B4GALNT3: variants seen among roughly 807,000 people sequenced by gnomAD.
The protein encoded by B4GALNT3 is beta-1,4-N-acetyl-galactosaminyltransferase 3, also known as beta-1,4-N-acetylgalactosaminyltransferase 3.
B4GALNT3 carries 86 observed loss-of-function variants against 120.2 expected under a neutral mutation model. The ratio of observed to expected loss-of-function variants is 0.72; its 90% CI spans 0.60 to 0.86. B4GALNT3 has a LOEUF of 0.86. Among genes scored for constraint, B4GALNT3 ranks in the 40% least tolerant of loss-of-function variants. The pLI, the probability that B4GALNT3 is intolerant of heterozygous loss-of-function variation, is 0.00. For missense variants in B4GALNT3, 1,167 were observed against 1,298.9 expected, an observed-to-expected ratio of 0.90 and a Z score of 1.56; for synonymous variants, 518 against 510.4, an observed-to-expected ratio of 1.01 and a Z score of -0.20.
chr12:522,564 G>T (rs76402084), intron 1 of B4GALNT3, among the ~76,000 whole-genome samples: 6 of 152,178 alleles, frequency 3.9e-5, no homozygotes, highest in African/African-American at 1.4e-4. Context: ...AGTTCGGCAT[G>T]ATGGGGAGGT....
intron 1 of B4GALNT3, among the ~76,000 whole-genome samples, chr12:533,033 TAAGAATG>T (rs1479119577): frequency 6.6e-6 from 1 of 152,178 alleles, no homozygotes; most frequent in Non-Finnish European, 1.5e-5. Flanking sequence ...TTTTTAGTCA[TAAGAATG>T]AAGATGACCC....
intron 1 of B4GALNT3, among the ~76,000 whole-genome samples, chr12:509,995 C>T (rs1042377482): frequency 6.6e-6 from 1 of 152,202 alleles, no homozygotes; most frequent in South Asian, 2.1e-4. Flanking sequence ...GTTTGGCATA[C>T]CTTTGTTCCC....
intron 15 of B4GALNT3, 35 bp downstream of exon 15, chr12:556,901 G>C (rs753189070): frequency 2.3e-5 from 36 of 1,574,288 alleles, no homozygotes; most frequent in Non-Finnish European, 3.1e-5. Flanking sequence ...ATTCTCAGGG[G>C]CGGGGTCCTC....
intron 1 of B4GALNT3, among the ~76,000 whole-genome samples, chr12:497,309 A>G (rs1946398746): frequency 6.6e-6 from 1 of 151,884 alleles, no homozygotes; most frequent in Non-Finnish European, 1.5e-5. Flanking sequence ...ACGTGCCACC[A>G]TGCCTGGTTA....
intron 19 of B4GALNT3, among the ~76,000 whole-genome samples, chr12:560,664 A>G (rs907961624): frequency 6.6e-6 from 1 of 152,180 alleles, no homozygotes; most frequent in African/African-American, 2.4e-5. Context: ...GGCAGCTGGA[A>G]GCCTTGATTT....
intron 1 of B4GALNT3, among the ~76,000 whole-genome samples, chr12:475,620 C>A (rs1193042400): frequency 6.6e-6 from 1 of 152,124 alleles, no homozygotes; most frequent in African/African-American, 2.4e-5. Context: ...GCTTGTCTTT[C>A]AAAACTCTGC....
Position 474,547 on chromosome 12 carries a change from C to T in B4GALNT3, c.169+14002C>T, listed in dbSNP as rs188035193. Among the ~76,000 whole-genome samples, 8 of 152,238 alleles carry T rather than the reference C, an allele frequency of 5.3e-5. No homozygotes were observed. The South Asian group carries it at 8.3e-4, about 16-fold the overall frequency. ...AAGAATCTGATGAAGAGGCCAGGCA[C>T]GGTGGCTCATGCCTGCAATCCAGCA... On this transcript the variant is annotated intron_variant, in intron 1 of 19. Transcript: ENST00000266383.
intron 3 of B4GALNT3, among the ~76,000 whole-genome samples, chr12:536,509 G>A (rs1375214388): frequency 1.3e-5 from 2 of 152,182 alleles, no homozygotes; most frequent in Non-Finnish European, 2.9e-5. Flanking sequence ...TATTCAGTTA[G>A]TTTTTTGTTG....
At chr12:540,375 G>C (rs80154274) in intron 3 of B4GALNT3, 1 of 152,250 alleles carries the variant, frequency 6.6e-6, no homozygotes, top group African/African-American at 2.4e-5. Flanking sequence ...TCCTCCAAGC[G>C]TTTGTTCATT....
chr12:491,454 T>A (rs1946338888), intron 1 of B4GALNT3, among the ~76,000 whole-genome samples: 1 of 151,934 alleles, frequency 6.6e-6, no homozygotes, highest in Non-Finnish European at 1.5e-5. Flanking sequence ...TTTAGCCTTC[T>A]GAGTAGCTGA....
At position 545,434 on chromosome 12, in the gene B4GALNT3, G is replaced by T. The variant is rs201005981; in HGVS notation, c.604G>T (p.Val202Phe). The change falls in exon 6 of 20, where the codon GTC (valine) becomes TTC (phenylalanine). Residue 202 changes from valine (V) to phenylalanine (F), a missense_variant. Physicochemically the swap from Val to Phe is conservative, Grantham distance 50. Transcript: ENST00000266383. The part of the protein sequence containing the change: ...AEFWLSLDDQ[V>F]SGLQLLASVG... The stretch of plus-strand genomic sequence containing the variant: ...GTTCTGGCTGAGCCTCGATGACCAG[G>T]TCTCAGGCCTCCAGCTGCTGGCCAG... 1.2e-6 allele frequency: 2 copies of T among 1,610,672 alleles called. No homozygotes were observed. Among genetic ancestry groups the T allele is most frequent in the Admixed American group, 1.7e-5 (1 of 59,598 alleles).
intron 1 of B4GALNT3, among the ~76,000 whole-genome samples, chr12:521,784 C>A (rs1946712202): frequency 6.6e-6 from 1 of 152,202 alleles, no homozygotes; most frequent in African/African-American, 2.4e-5. Context: ...ACCGGCCTCA[C>A]TGAGGACAGG....
rs538882195 is a variant in B4GALNT3 at position 549,661 on chromosome 12, C to G, written c.854-108C>G. Reference sequence around the variant, plus strand: ...GGCTGCGCACATCCTACACCGTCGCCGCTGGAGTCAGGAGCCCCTTCTGCG... The same window carrying G: ...GGCTGCGCACATCCTACACCGTCGCGGCTGGAGTCAGGAGCCCCTTCTGCG... On this transcript the variant is annotated intron_variant, in intron 9 of 19. Transcript: ENST00000266383. 2.1e-4 allele frequency: 289 copies of G among 1,406,868 alleles called. 1 individual carries two copies. The South Asian group carries it at 3.5e-3, about 17-fold the overall frequency. 87.1% of individuals were successfully genotyped at this position (1,406,868 alleles called of 1,614,324 possible). A position where few individuals can be genotyped will look rare whatever the true frequency, so the allele number is the denominator to read the frequency against.
At chr12:504,517 T>C (rs1946477586) in intron 1 of B4GALNT3, among the ~76,000 whole-genome samples, 1 of 148,222 alleles carries the variant, frequency 6.7e-6, no homozygotes. Flanking sequence ...TGGAGTGCAG[T>C]GGTGTGATCT....
intron 1 of B4GALNT3, among the ~76,000 whole-genome samples, chr12:501,441 T>A (rs556853333): frequency 3.4e-4 from 51 of 152,112 alleles, no homozygotes; most frequent in African/African-American, 1.2e-3. Context: ...ATTAGCCAGG[T>A]GTGGTGGCGC....
intron 1 of B4GALNT3, among the ~76,000 whole-genome samples, chr12:463,325 G>A (rs1399948353): frequency 6.6e-6 from 1 of 152,192 alleles, no homozygotes; most frequent in Non-Finnish European, 1.5e-5. Flanking sequence ...TTAAGATGTG[G>A]ATGATGTGCA....
Position 460,321 on chromosome 12 carries a change from G to C in B4GALNT3, c.-56G>C, listed in dbSNP as rs1412560405. The C allele has an allele frequency of 1.0e-6, 1 of 982,162 alleles. No homozygotes were observed. Among genetic ancestry groups the C allele is most frequent in the Non-Finnish European group, 1.2e-6 (1 of 827,956 alleles). The allele number at this position is 982,162 out of a possible 1,614,324, so 60.8% of individuals were successfully genotyped here. A position where few individuals can be genotyped will look rare whatever the true frequency, so the allele number is the denominator to read the frequency against. On this transcript the variant is annotated 5_prime_UTR_variant, in exon 1 of 20. Transcript: ENST00000266383. The surrounding 1 kb of genome is among the most constrained non-coding windows in gnomAD (Gnocchi z 8.0). ...CCTGGGCGCGGGGCCCGGCCGGGGG[G>C]CGGCGGCTCGGGGGGTTGGAGCCCG...
intron 6 of B4GALNT3, among the ~76,000 whole-genome samples, chr12:545,736 C>CGAGGAGTGGGGAGGAGT (rs1946991903): frequency 1.7e-5 from 1 of 59,902 alleles, no homozygotes; most frequent in African/African-American, 6.9e-5. Context: ...TGGGGAGGAG[C>CGAGGAGTGGGGAGGAGT]GAGGAGTGGG....
At chr12:467,945 C>T (rs533202227) in intron 1 of B4GALNT3, among the ~76,000 whole-genome samples, 9 of 152,254 alleles carry the variant, frequency 5.9e-5, no homozygotes, top group African/African-American at 2.2e-4. Flanking sequence ...GTGTTGGTTA[C>T]TAGGAAGCTT....
Sources: gnomAD v4.1 joint callset for allele counts (sites outside exome capture counted in the v4.1 genomes callset) on GRCh38, gnomAD v4.1.1 for gene constraint, Gnocchi (gnomAD v3.1) non-coding constraint, MANE v1.5 for transcripts, NCBI Gene and HGNC (gene_info 2026-07-23, HGNC 2026-07-21) for gene names.